The following NEIL3 variants were observed in gnomAD, a reference collection of about 807,000 sequenced individuals.
NEIL3 encodes the protein nei like DNA glycosylase 3, also known as endonuclease 8-like 3.
A neutral mutation model predicts 57.5 loss-of-function variants in NEIL3; 48 were observed. That is an observed-to-expected ratio of 0.83 (90% CI 0.66 to 1.06). NEIL3 has a LOEUF of 1.06. Among genes scored for constraint, NEIL3 ranks in the 50% least tolerant of loss-of-function variants. The probability of loss-of-function intolerance (pLI) is 0.00; values close to 1 mark genes in which losing one functional copy is unlikely to be tolerated. For missense variants in NEIL3, 717 were observed against 739.1 expected (o/e 0.97, Z 0.35); for synonymous variants, 261 against 253.2 (o/e 1.03, Z -0.29).
chr4:177,348,156 AAC>A (rs1411389336), intron 6 of NEIL3, among the ~76,000 whole-genome samples: 3 of 152,300 alleles, frequency 2.0e-5, no homozygotes, highest in South Asian at 2.1e-4. Flanking sequence ...GGCTTGTGAA[AAC>A]ACAGATTGCC....
intron 8 of NEIL3, among the ~76,000 whole-genome samples, chr4:177,359,768 C>T (rs545400587): frequency 2.6e-5 from 4 of 152,138 alleles, no homozygotes; most frequent in Non-Finnish European, 5.9e-5. Context: ...AAATAAGCTT[C>T]TTTTCAAGAA....
intron 6 of NEIL3, among the ~76,000 whole-genome samples, chr4:177,350,499 G>A (rs903713559): frequency 1.3e-5 from 2 of 152,062 alleles, no homozygotes; most frequent in Non-Finnish European, 2.9e-5. Flanking sequence ...TCTATTAATT[G>A]GCTATCCACC....
intron 4 of NEIL3, among the ~76,000 whole-genome samples, chr4:177,337,622 G>A (rs1204356519): frequency 6.6e-6 from 1 of 152,146 alleles, no homozygotes; most frequent in African/African-American, 2.4e-5. Flanking sequence ...GTGATGCACT[G>A]AGAATTTACT....
intron 2 of NEIL3, among the ~76,000 whole-genome samples, chr4:177,324,360 G>T (rs865946213): frequency 6.6e-6 from 1 of 152,134 alleles, no homozygotes; most frequent in Non-Finnish European, 1.5e-5. Flanking sequence ...TAGTCATAAA[G>T]TGTGTGCATC....
rs138137023 is a variant in NEIL3, at chr4:177,317,373, A to G, written c.157-5086A>G. Among the ~76,000 whole-genome samples, 736 of 152,316 alleles carry G rather than the reference A, an allele frequency of 4.8e-3. 6 individuals are homozygous for G. The highest frequency in any genetic ancestry group is 0.017 in the African/African-American group (697 of 41,564). ...GGACAACATATTTCAATTTCCATTG[A>G]CAGCCATGTGAAGATATATAATGGT... On this transcript the variant is annotated intron_variant, in intron 1 of 9. Coordinates refer to ENST00000264596, the MANE Select transcript of NEIL3 (RefSeq NM_018248.3).
chr4:177,335,798 TC>T lies in NEIL3; in HGVS notation c.390del (p.Phe131LeufsTer5). The T allele has an allele frequency of 6.3e-7, 1 of 1,575,802 alleles. No homozygotes were observed. Among genetic ancestry groups the T allele is most frequent in the Non-Finnish European group, 8.6e-7 (1 of 1,165,506 alleles). On this transcript the variant is annotated frameshift_variant, in exon 3 of 10. Coordinates refer to ENST00000264596, the MANE Select transcript of NEIL3 (RefSeq NM_018248.3). LOFTEE classifies it high-confidence loss of function. ...EVQLTKDLIC[F>X]FDSSVELRNS... Reference sequence around the variant, plus strand: ...CAGCTCACCAAAGATTTGATTTGTTTCTTTGACTCATCAGTAGAACTCAGGT... The same window carrying T: ...CAGCTCACCAAAGATTTGATTTGTTTTTTGACTCATCAGTAGAACTCAGGT...
intron 1 of NEIL3, among the ~76,000 whole-genome samples, chr4:177,311,485 G>A (rs1734474216): frequency 6.6e-6 from 1 of 151,848 alleles, no homozygotes; most frequent in African/African-American, 2.4e-5. Context: ...ACACCAGCCT[G>A]ACCAATATGG....
At chr4:177,332,632 G>T (rs1214903385) in intron 2 of NEIL3, among the ~76,000 whole-genome samples, 1 of 152,084 alleles carries the variant, frequency 6.6e-6, no homozygotes, top group Non-Finnish European at 1.5e-5. Flanking sequence ...CAGGTCTCTT[G>T]CTGTCACTCA....
intron 1 of NEIL3, among the ~76,000 whole-genome samples, chr4:177,311,305 G>A (rs1364504465): frequency 1.3e-5 from 2 of 152,102 alleles, no homozygotes; most frequent in African/African-American, 2.4e-5. Context: ...AAATTAATAA[G>A]TTCTGTGAAG....
downstream of NEIL3, among the ~76,000 whole-genome samples, chr4:177,365,613 T>A (rs1735683654): frequency 6.6e-6 from 1 of 152,104 alleles, no homozygotes; most frequent in African/African-American, 2.4e-5. Flanking sequence ...TCACCAAAAT[T>A]TGAGTAACTA....
intron 8 of NEIL3, among the ~76,000 whole-genome samples, chr4:177,359,122 T>TCTGCCTCTC (rs1735548602): frequency 1.3e-5 from 2 of 152,288 alleles, no homozygotes; most frequent in Non-Finnish European, 1.5e-5. Context: ...AGAAAAGTCC[T>TCTGCCTCTC]CTGCCTCTCA....
At chr4:177,310,144 A>AGG in intron 1 of NEIL3, 35 bp downstream of exon 1, 1 of 1,513,490 alleles carries the variant, frequency 6.6e-7, no homozygotes, top group African/African-American at 1.4e-5. Flanking sequence ...TGCAGTCAGC[A>AGG]GGGGGGAAAT....
At chr4:177,326,853 T>C (rs1734788907) in intron 2 of NEIL3, among the ~76,000 whole-genome samples, 1 of 152,210 alleles carries the variant, frequency 6.6e-6, no homozygotes, top group Non-Finnish European at 1.5e-5. Context: ...TTGCAGTGTA[T>C]GGAAATACAA....
downstream of NEIL3, among the ~76,000 whole-genome samples, chr4:177,364,845 T>C (rs1483267376): frequency 2.0e-5 from 3 of 152,014 alleles, no homozygotes; most frequent in Admixed American, 2.0e-4. Context: ...GTAGAATCGC[T>C]TGAACCTGGA....
chr4:177,323,540 T>A (rs1578989603), intron 2 of NEIL3, among the ~76,000 whole-genome samples: 1 of 152,338 alleles, frequency 6.6e-6, no homozygotes, highest in African/African-American at 2.4e-5. Context: ...TGTCAGCAGC[T>A]GCTGTCCTTG....
At chr4:177,364,205 G>A (rs1486278881), downstream of NEIL3, among the ~76,000 whole-genome samples, 1 of 152,106 alleles carries the variant, frequency 6.6e-6, no homozygotes, top group Non-Finnish European at 1.5e-5. Flanking sequence ...AATCTCAGTG[G>A]GGGTTTCTGC....
At chr4:177,335,107 G>A (rs948852477) in intron 2 of NEIL3, among the ~76,000 whole-genome samples, 5 of 151,494 alleles carry the variant, frequency 3.3e-5, no homozygotes, top group African/African-American at 7.3e-5. Context: ...TTTTTGATAC[G>A]TAAGATTTTG....
At chr4:177,346,956 C>G (rs1334507280) in intron 6 of NEIL3, among the ~76,000 whole-genome samples, 1 of 149,824 alleles carries the variant, frequency 6.7e-6, no homozygotes, top group Non-Finnish European at 1.5e-5. Flanking sequence ...GAGCCGAGAT[C>G]GCGCCAATGC....
At chr4:177,331,033 C>T (rs946504860) in intron 2 of NEIL3, among the ~76,000 whole-genome samples, 5 of 152,120 alleles carry the variant, frequency 3.3e-5, no homozygotes, top group Non-Finnish European at 5.9e-5. Flanking sequence ...TATTACCTAA[C>T]AAATTTATGT....
Sources: gnomAD v4.1 joint callset for allele counts (sites outside exome capture counted in the v4.1 genomes callset) on GRCh38, gnomAD v4.1.1 for gene constraint, MANE v1.5 for transcripts, NCBI Gene and HGNC (gene_info 2026-07-23, HGNC 2026-07-21) for gene names.